Variants in SACS observed in about 807,000 individuals in gnomAD.
The protein encoded by SACS is sacsin molecular chaperone.
SACS carries 197 observed loss-of-function variants against 348.0 expected under a neutral mutation model. The ratio of observed to expected loss-of-function variants is 0.57; its 90% CI spans 0.50 to 0.64. The LOEUF (loss-of-function observed/expected upper bound fraction) is 0.64. SACS is among the 30% of genes least tolerant of loss of function. The pLI, the probability that SACS is intolerant of heterozygous loss-of-function variation, is 0.00. For synonymous variants in SACS, 1,985 were observed against 1,910.6 expected, an observed-to-expected ratio of 1.04 and a Z score of -1.02; for missense variants, 4,999 against 5,360.8, an observed-to-expected ratio of 0.93 and a Z score of 2.11.
intron 2 of SACS, among the ~76,000 whole-genome samples, chr13:23,387,182 G>A (rs1316002061): frequency 1.3e-5 from 2 of 152,154 alleles, no homozygotes; most frequent in African/African-American, 2.4e-5. Flanking sequence ...AATGTCGGCC[G>A]GGCGCGGTGG....
intron 6 of SACS, among the ~76,000 whole-genome samples, chr13:23,362,004 T>C (rs759693214): frequency 6.6e-5 from 10 of 152,224 alleles, no homozygotes; most frequent in Non-Finnish European, 1.2e-4. Flanking sequence ...CCTTAGCTAC[T>C]GGATACTTTA....
intron 2 of SACS, among the ~76,000 whole-genome samples, chr13:23,386,876 A>C (rs895388753): frequency 5.9e-5 from 9 of 152,120 alleles, no homozygotes; most frequent in African/African-American, 1.7e-4. Context: ...AGAGGGAGAG[A>C]GGCAAGAACA....
At chr13:23,382,321 T>C (rs539130110) in intron 2 of SACS, among the ~76,000 whole-genome samples, 5 of 152,232 alleles carry the variant, frequency 3.3e-5, no homozygotes, top group African/African-American at 1.2e-4. Flanking sequence ...GCCTGGCTAA[T>C]TTTTTGTAGG....
At chr13:23,421,094 C>T (rs938725483) in intron 1 of SACS, among the ~76,000 whole-genome samples, 3 of 152,058 alleles carry the variant, frequency 2.0e-5, no homozygotes, top group Admixed American at 6.5e-5. Context: ...CCTTTGTCCA[C>T]CTTGGGCCTG....
chr13:23,376,255 A>G (rs1038966489), intron 2 of SACS, among the ~76,000 whole-genome samples: 3 of 152,216 alleles, frequency 2.0e-5, no homozygotes, highest in Non-Finnish European at 2.9e-5. Flanking sequence ...CATGAGTCTT[A>G]AGAGTTGATG....
rs1566063362 is a variant in SACS, at chr13:23,335,689, T to C, written c.8187A>G (p.Lys2729=). 6.2e-6 allele frequency: 10 copies of C among 1,614,040 alleles called. No individual in the cohort carries two copies. The highest frequency in any genetic ancestry group is 8.5e-6 in the Non-Finnish European group (10 of 1,179,908). ...GAAGTTCTGCCCCATCTGAGCGCAG[T>C]TTGTCCAAAAGATTCTGGACCATTC... ...SDRMVQNLLD[K]LRSDGAELLM... Residue 2729 remains lysine (K), a synonymous_variant, in exon 10 of 10, where the codon AAA becomes AAG. Transcript: ENST00000382292. The surrounding 1 kb of genome is among the most constrained non-coding windows in gnomAD (Gnocchi z 4.7).
chr13:23,412,712 G>A (rs1009501625), intron 1 of SACS, among the ~76,000 whole-genome samples: 1 of 152,030 alleles, frequency 6.6e-6, no homozygotes, highest in Non-Finnish European at 1.5e-5. Context: ...CACTGCACCC[G>A]ACCCAAACCT....
At chr13:23,389,864 C>A (rs957158659) in intron 2 of SACS, among the ~76,000 whole-genome samples, 2 of 152,140 alleles carry the variant, frequency 1.3e-5, no homozygotes, top group African/African-American at 4.8e-5. Context: ...GGGGGATGGA[C>A]AAGGGAGCAT....
chr13:23,364,366 C>T (rs1213061639), intron 6 of SACS, among the ~76,000 whole-genome samples: 5 of 152,054 alleles, frequency 3.3e-5, no homozygotes, highest in African/African-American at 9.7e-5. Flanking sequence ...CTACAACCTC[C>T]GCCTCCCGAG....
At chr13:23,357,182 G>A (rs891652878) in intron 7 of SACS, among the ~76,000 whole-genome samples, 12 of 152,094 alleles carry the variant, frequency 7.9e-5, no homozygotes, top group South Asian at 6.2e-4. Context: ...GGGCTCTCAC[G>A]CCACAGTTCA....
Position 23,354,577 on chromosome 13 carries a change from A to AG in SACS, c.2034dup (p.Phe679LeufsTer27). ...TCTTGGTCTGATACAGATGAGGAGA[A>AG]GGGGACAAAATTGCCATTTTGTAAA... is the stretch of plus-strand genomic sequence containing the variant. On this transcript the variant is annotated frameshift_variant, in exon 8 of 10. Transcript: ENST00000382292. LOFTEE classifies it high-confidence loss of function. The AG allele has an allele frequency of 1.9e-6, 3 of 1,614,190 alleles. No individual in the cohort carries two copies. The highest frequency in any genetic ancestry group is 2.5e-6 in the Non-Finnish European group (3 of 1,180,010).
intron 5 of SACS, among the ~76,000 whole-genome samples, chr13:23,365,755 C>T (rs1871025782): frequency 6.6e-6 from 1 of 152,140 alleles, no homozygotes; most frequent in South Asian, 2.1e-4. Context: ...TATATATACC[C>T]TTCAATTGGC....
intron 2 of SACS, among the ~76,000 whole-genome samples, chr13:23,403,711 T>C: frequency 6.6e-6 from 1 of 152,306 alleles, no homozygotes; most frequent in Non-Finnish European, 1.5e-5. Context: ...GATTCCTTGA[T>C]TTTTTGAAGG....
rs2137584446 is a variant in SACS at position 23,334,504 on chromosome 13, A to T, written c.9372T>A (p.Thr3124=). Residue 3124 remains threonine (T), a synonymous_variant, in exon 10 of 10, where the codon ACT becomes ACA. Transcript: ENST00000382292. ...TTAAACTATGAAAAAGTTTTAGATT[A>T]GTCTGCTGCAGACGACAAGGCAGCT... is the stretch of plus-strand genomic sequence containing the variant. The part of the protein sequence containing the change: ...IGKLPCRLQQ[T]NLKLFHSLKL... 1.9e-6 allele frequency: 3 copies of T among 1,613,380 alleles called. No homozygotes were observed. Among genetic ancestry groups the T allele is most frequent in the Non-Finnish European group, 1.7e-6 (2 of 1,179,766 alleles).
At chr13:23,369,493 A>G (rs553929463) in intron 4 of SACS, among the ~76,000 whole-genome samples, 39 of 152,092 alleles carry the variant, frequency 2.6e-4, no homozygotes, top group Non-Finnish European at 4.9e-4. Context: ...ACAACCACAT[A>G]CTGAGACCAA....
intron 6 of SACS, among the ~76,000 whole-genome samples, chr13:23,364,438 G>A (rs1218209478): frequency 2.0e-5 from 2 of 101,070 alleles, no homozygotes; most frequent in Non-Finnish European, 4.6e-5. Flanking sequence ...CTGCCACCAC[G>A]CCCAGCTAAT....
At position 23,331,298 on chromosome 13, in the gene SACS, A is replaced by G. The variant is rs1034981619; in HGVS notation, c.12578T>C (p.Ile4193Thr). 4 of 1,613,994 alleles carry G rather than the reference A, an allele frequency of 2.5e-6. No individual in the cohort carries two copies. Among genetic ancestry groups the G allele is most frequent in the Non-Finnish European group, 3.4e-6 (4 of 1,179,938 alleles). Residue 4193 changes from isoleucine to threonine, a missense_variant, in exon 10 of 10, where the codon ATC (isoleucine) becomes ACC (threonine). Ile to Thr is a moderately conservative substitution (Grantham distance 89, BLOSUM62 -1). Transcript: ENST00000382292. ...GYLVDAEGGD[I>T]YGSYQPTYTY... ...GTATGTTGGCTGGTATGATCCATAG[A>G]TATCACCACCTTCAGCATCAACAAG...
rs1555252349 is a variant in SACS at position 23,339,307 on chromosome 13, CCACA to C, written c.4565_4568del (p.Leu1522CysfsTer14). ...CTGAGAATTGAGAATTGTTGAATGA[CCACA>C]AAGCAGGTCCATGACAAGCTGCCAT... On this transcript the variant is annotated frameshift_variant, in exon 10 of 10. Transcript: ENST00000382292. LOFTEE classifies it high-confidence loss of function. The C allele has an allele frequency of 1.9e-6, 3 of 1,610,920 alleles. No individual in the cohort carries two copies. Among genetic ancestry groups the C allele is most frequent in the Non-Finnish European group, 1.7e-6 (2 of 1,178,754 alleles).
At position 23,338,439 on chromosome 13, in the gene SACS, C is replaced by G. The variant is rs1364025077; in HGVS notation, c.5437G>C (p.Val1813Leu). The G allele has an allele frequency of 1.9e-6, 3 of 1,614,036 alleles. No individual in the cohort carries two copies. The highest frequency in any genetic ancestry group is 1.7e-5 in the Admixed American group (1 of 60,008). The change falls in exon 10 of 10, where the codon GTA becomes CTA. Residue 1813 changes from valine to leucine, a missense_variant. Val to Leu is a conservative substitution (Grantham distance 32). Transcript: ENST00000382292. Reference protein sequence around the residue: ...KPSDELSQKTVECTTWLLCTC... With the variant: ...KPSDELSQKTLECTTWLLCTC... Reference sequence around the variant, plus strand: ...CACAGAAGCCACGTGGTACACTCTACTGTTTTCTGTGACAACTCATCTGAT... The same window carrying G: ...CACAGAAGCCACGTGGTACACTCTAGTGTTTTCTGTGACAACTCATCTGAT...
Sources: allele counts gnomAD v4.1 joint callset (sites outside exome capture counted in the v4.1 genomes callset), GRCh38; gene constraint gnomAD v4.1.1; non-coding constraint Gnocchi (gnomAD v3.1); transcripts MANE v1.5; gene names NCBI Gene and HGNC (gene_info 2026-07-23, HGNC 2026-07-21).